The following NCAPG2 variants were observed in gnomAD, a reference collection of about 807,000 sequenced individuals.
The protein encoded by NCAPG2 is non-SMC condensin II complex subunit G2, also known as condensin-2 complex subunit G2.
A neutral mutation model predicts 141.1 loss-of-function variants in NCAPG2; 53 were observed. That is an observed-to-expected ratio of 0.38 (90% CI 0.30 to 0.47). The LOEUF (loss-of-function observed/expected upper bound fraction) is 0.47, where lower values mean the gene tolerates loss of function less well. NCAPG2 is among the 20% of genes least tolerant of loss of function. The pLI is 0.99. For missense variants in NCAPG2, 1,087 were observed against 1,389.0 expected (o/e 0.78, Z 3.46); for synonymous variants, 499 against 490.7 (o/e 1.02, Z -0.22).
rs116165626 is a variant in NCAPG2 at position 158,663,809 on chromosome 7, G to T, written c.1815+375C>A. Among the ~76,000 whole-genome samples, 413 of 152,300 alleles carry T rather than the reference G, an allele frequency of 2.7e-3. 2 individuals are homozygous for T. Among genetic ancestry groups the T allele is most frequent in the African/African-American group, 9.4e-3 (392 of 41,562 alleles). On this transcript the variant is annotated intron_variant, in intron 15 of 27. Coordinates refer to ENST00000356309, the MANE Select transcript of NCAPG2 (RefSeq NM_017760.7). ...TTATTTTCTTCTAATATAATTGGTT[G>T]CTTTGGATTCTGAAGAAATTGTCCC... is the stretch of plus-strand genomic sequence containing the variant.
chr7:158,700,638 TA>T (rs1193690157), intron 2 of NCAPG2, among the ~76,000 whole-genome samples: 1 of 152,262 alleles, frequency 6.6e-6, no homozygotes, highest in African/African-American at 2.4e-5. Context: ...CGATTATTTT[TA>T]AGTTTACAGG....
At chr7:158,695,819 T>G (rs1297527601) in intron 2 of NCAPG2, among the ~76,000 whole-genome samples, 1 of 152,222 alleles carries the variant, frequency 6.6e-6, no homozygotes, top group Admixed American at 6.5e-5. Flanking sequence ...GCGAGCTGCC[T>G]GTGGGCATCC....
At chr7:158,637,862 G>A (rs1488145652) in intron 27 of NCAPG2, among the ~76,000 whole-genome samples, 1 of 151,920 alleles carries the variant, frequency 6.6e-6, no homozygotes, top group Non-Finnish European at 1.5e-5. Context: ...CCTGACACTT[G>A]GCTGGGCACG....
chr7:158,690,766 T>G (rs780713036), intron 4 of NCAPG2, 44 bp from the exon 5 acceptor site: 1 of 1,564,022 alleles, frequency 6.4e-7, no homozygotes, highest in African/African-American at 1.4e-5. Context: ...AGGCAAATTC[T>G]TATTACTTCA....
At chr7:158,654,907 G>A (rs910040162) in intron 21 of NCAPG2, 104 of 1,124,324 alleles carry the variant, frequency 9.2e-5, no homozygotes, top group Middle Eastern at 3.1e-4. Flanking sequence ...AAACATAATC[G>A]AACACCTCTT....
intron 22 of NCAPG2, among the ~76,000 whole-genome samples, chr7:158,652,860 C>T (rs1164118020): frequency 6.6e-6 from 1 of 152,116 alleles, no homozygotes; most frequent in Non-Finnish European, 1.5e-5. Flanking sequence ...AACAGATATA[C>T]CTATACAATG....
chr7:158,639,190 A>G (rs1830477353), intron 27 of NCAPG2, among the ~76,000 whole-genome samples: 2 of 151,936 alleles, frequency 1.3e-5, no homozygotes, highest in Admixed American at 6.6e-5. Flanking sequence ...TCACTGCAGC[A>G]TCAACCTCCT....
intron 25 of NCAPG2, 59 bp downstream of exon 25, chr7:158,646,401 G>A (rs1831019931): frequency 2.4e-6 from 3 of 1,260,416 alleles, no homozygotes; most frequent in South Asian, 1.3e-5. Context: ...TAGAACAAAA[G>A]CTGCTGAGCG....
At chr7:158,644,024 C>T (rs1363716334) in intron 27 of NCAPG2, among the ~76,000 whole-genome samples, 1 of 152,194 alleles carries the variant, frequency 6.6e-6, no homozygotes, top group African/African-American at 2.4e-5. Flanking sequence ...GATTTTAAAA[C>T]TAAATAAAAT....
At chr7:158,631,829 C>A (rs1829908342) in intron 27 of NCAPG2, 112 bp from the exon 28 acceptor site, 2 of 849,100 alleles carry the variant, frequency 2.4e-6, no homozygotes, top group Non-Finnish European at 3.8e-6. Context: ...CATTTAAAAA[C>A]AAAGTTGAAA....
intron 10 of NCAPG2, 80 bp from the exon 11 acceptor site, chr7:158,680,165 C>G (rs1378813221): frequency 2.9e-5 from 41 of 1,399,366 alleles, no homozygotes; most frequent in Non-Finnish European, 1.2e-5. Flanking sequence ...CCCAAAGTAA[C>G]ACTTTAATTA....
At chr7:158,648,393 G>GA (rs926752759) in intron 24 of NCAPG2, among the ~76,000 whole-genome samples, 11 of 138,268 alleles carry the variant, frequency 8.0e-5, no homozygotes, top group South Asian at 2.3e-4. Flanking sequence ...TGACAGGAAA[G>GA]AAAAAAAAAC....
intron 24 of NCAPG2, among the ~76,000 whole-genome samples, chr7:158,649,787 T>C (rs898381316): frequency 3.3e-5 from 5 of 152,232 alleles, no homozygotes; most frequent in Non-Finnish European, 7.3e-5. Flanking sequence ...TATCTTTTCA[T>C]ACAGAGAAGT....
chr7:158,643,913 G>C (rs1471330595), intron 27 of NCAPG2, among the ~76,000 whole-genome samples: 1 of 152,216 alleles, frequency 6.6e-6, no homozygotes, highest in Non-Finnish European at 1.5e-5. Flanking sequence ...AGAGGCTCTG[G>C]AGGGACCGCA....
intron 23 of NCAPG2, among the ~76,000 whole-genome samples, chr7:158,651,183 C>G (rs1330322119): frequency 6.6e-6 from 1 of 152,030 alleles, no homozygotes. Context: ...ATAGACGGGA[C>G]CAAAGCCCAC....
chr7:158,675,596 T>G lies in NCAPG2; in HGVS notation c.1207A>C (p.Ile403Leu). ...ATCATTTCCCAGTACTTAGAAGTTA[T>G]TTTACAAACACCAAGGATCCCTGTG... ...RSTGILGVCK[I>L]TSKYWEMMPP... The change falls in exon 12 of 28, where the codon ATA (isoleucine) becomes CTA (leucine). Residue 403 changes from isoleucine to leucine, a missense_variant. Ile to Leu is a conservative substitution (Grantham distance 5). Transcript: ENST00000356309. The G allele has an allele frequency of 1.2e-6, 2 of 1,613,814 alleles. No individual in the cohort carries two copies. Among genetic ancestry groups the G allele is most frequent in the Non-Finnish European group, 1.7e-6 (2 of 1,179,940 alleles).
rs539015996 is a variant in NCAPG2 at position 158,695,629 on chromosome 7, G to A, written c.79-2132C>T. Among the ~76,000 whole-genome samples the A allele has an allele frequency of 2.6e-5, 4 of 152,340 alleles. No homozygotes were observed. The South Asian group carries it at 8.3e-4, about 32-fold the overall frequency. On this transcript the variant is annotated intron_variant, in intron 2 of 27. Transcript: ENST00000356309. Reference sequence around the variant, plus strand: ...GCTGGAAGGGCAAGGAAAGGATGGGGGACAAAAGCTGTTCAAATATCAAAA... The same window carrying A: ...GCTGGAAGGGCAAGGAAAGGATGGGAGACAAAAGCTGTTCAAATATCAAAA...
chr7:158,664,836 CA>C, intron 13 of NCAPG2, 86 bp from the exon 14 acceptor site: 2 of 1,117,938 alleles, frequency 1.8e-6, no homozygotes, highest in Non-Finnish European at 2.5e-6. Flanking sequence ...CAAGCACAAC[CA>C]AAAAAGGAAC....
intron 9 of NCAPG2, 30 bp from the exon 10 acceptor site, chr7:158,680,846 A>G (rs1171156483): frequency 6.8e-7 from 1 of 1,472,670 alleles, no homozygotes; most frequent in African/African-American, 1.4e-5. Flanking sequence ...AAAGGAAGGC[A>G]TTAACAAAAA....
Sources: gnomAD v4.1 joint callset for allele counts (sites outside exome capture counted in the v4.1 genomes callset) on GRCh38, gnomAD v4.1.1 for gene constraint, MANE v1.5 for transcripts, NCBI Gene and HGNC (gene_info 2026-07-23, HGNC 2026-07-21) for gene names.